Variants in SLFNL1 observed in about 807,000 individuals in gnomAD.
SLFNL1 encodes schlafen-like protein 1.
In SLFNL1, 26 loss-of-function variants were observed where a neutral mutation model predicts 32.5. That is an observed-to-expected ratio of 0.80 (90% CI 0.59 to 1.11). The LOEUF (loss-of-function observed/expected upper bound fraction) is 1.11, where lower values mean the gene tolerates loss of function less well. Ranked by LOEUF, SLFNL1 falls within the 50% of genes least tolerant of loss-of-function variation. The probability of loss-of-function intolerance (pLI) is 0.00; values close to 1 mark genes in which losing one functional copy is unlikely to be tolerated. For missense variants in SLFNL1, 553 were observed against 546.5 expected, an observed-to-expected ratio of 1.01 and a Z score of -0.12; for synonymous variants, 255 against 242.2, an observed-to-expected ratio of 1.05 and a Z score of -0.49.
In SLFNL1 at chr1:41,017,061, A is replaced by G. The variant is rs990072957; in HGVS notation, c.1101+173T>C. On this transcript the variant is annotated intron_variant, in intron 5 of 5. Transcript: ENST00000302946. The surrounding 1 kb of genome is among the most constrained non-coding windows in gnomAD (Gnocchi z 4.9). ...TTGGGCCTCTTCCTTCCCACCAGCC[A>G]CCTACCCGCGGAGTATGGGATGTGG... 17 of 750,232 alleles carry G rather than the reference A, an allele frequency of 2.3e-5. No individual in the cohort carries two copies. Among genetic ancestry groups the G allele is most frequent in the Non-Finnish European group, 1.8e-5 (9 of 500,510 alleles). The allele number at this position is 750,232 out of a possible 1,614,324, so 46.5% of individuals were successfully genotyped here.
Position 41,017,242 on chromosome 1 carries a change from A to G in SLFNL1, c.1093T>C (p.Cys365Arg), listed in dbSNP as rs1404628180. 3 of 1,578,422 alleles carry G rather than the reference A, an allele frequency of 1.9e-6. No homozygotes were observed. Among genetic ancestry groups the G allele is most frequent in the Non-Finnish European group, 2.6e-6 (3 of 1,164,516 alleles). Residue 365 changes from cysteine to arginine, a missense_variant, in exon 5 of 6, where the codon TGC (cysteine) becomes CGC (arginine). Coordinates refer to ENST00000302946, the MANE Select transcript of SLFNL1 (RefSeq NM_144990.4). This position sits in a 1 kb window ranked among gnomAD's most constrained non-coding sequence, Gnocchi z 4.9. ...GGCCTCAGCTTCCGTACCTGCCTGC[A>G]CCACTCCTGGATGGCGCTGGCAGAC... Reference protein sequence around the residue: ...PLSASAIQEWCRQRWLVELGK... With the variant: ...PLSASAIQEWRRQRWLVELGK...
At chr1:41,016,646 A>AGT (rs1251459800) in intron 5 of SLFNL1, 1 of 167,384 alleles carries the variant, frequency 6.0e-6, no homozygotes, top group East Asian at 1.8e-4. Flanking sequence ...CTCAAGATCG[A>AGT]GTGTGTTAAC....
At chr1:41,020,897 G>T in intron 1 of SLFNL1, 27 bp from the exon 2 acceptor site, 1 of 543,482 alleles carries the variant, frequency 1.8e-6, no homozygotes, top group Non-Finnish European at 3.3e-6. Context: ...GAGTCACGTG[G>T]ACTGAGCAAG....
At chr1:41,016,265 C>T (rs778800255) in intron 5 of SLFNL1, 37 bp from the exon 6 acceptor site, 2 of 1,610,150 alleles carry the variant, frequency 1.2e-6, no homozygotes, top group East Asian at 2.2e-5. Flanking sequence ...GCCAAGCCCG[C>T]CTGGTCTCGG....
In SLFNL1 at chr1:41,016,096, C is replaced by A. The variant is rs771103533; in HGVS notation, c.*10G>T. ...GAGTGCCGTGCCGTCCTGCCTGCTC[C>A]CCAGGGCCCTCACAGGACACAGCAG... is the stretch of plus-strand genomic sequence containing the variant. On this transcript the variant is annotated 3_prime_UTR_variant, in exon 6 of 6. Coordinates refer to ENST00000302946, the MANE Select transcript of SLFNL1 (RefSeq NM_144990.4). The A allele has an allele frequency of 1.2e-6, 2 of 1,612,092 alleles. No homozygotes were observed. Among genetic ancestry groups the A allele is most frequent in the Admixed American group, 1.7e-5 (1 of 59,764 alleles).
Position 41,017,482 on chromosome 1 carries a change from A to G in SLFNL1, c.958-105T>C. 1 of 1,514,996 alleles carries G rather than the reference A, an allele frequency of 6.6e-7. No homozygotes were observed. The highest frequency in any genetic ancestry group is 1.3e-5 in the South Asian group (1 of 77,360). 93.8% of individuals were successfully genotyped at this position (1,514,996 alleles called of 1,614,324 possible). A position where few individuals can be genotyped will look rare whatever the true frequency, so the allele number is the denominator to read the frequency against. ...GCTCACTGATTCCTTAGGGCAGGCC[A>G]GCAGGGCTGGCACAGGGGCCATCCC... On this transcript the variant is annotated intron_variant, in intron 4 of 5. Transcript: ENST00000302946. The surrounding 1 kb of genome is among the most constrained non-coding windows in gnomAD (Gnocchi z 4.9).
chr1:41,017,866 G>A lies in SLFNL1; in HGVS notation c.726C>T (p.His242=), dbSNP rs745713064. ...GEYLSLAFKH[H]VRRYVCAFLN... is the part of the protein sequence containing the mutation. ...GGAAGGCGCACACGTAGCGCCGCAC[G>A]TGGTGCTTGAAGGCCAGGCTGAGGT... Residue 242 remains histidine, a synonymous_variant, in exon 4 of 6, where the codon CAC becomes CAT. Transcript: ENST00000302946. The surrounding 1 kb of genome is among the most constrained non-coding windows in gnomAD (Gnocchi z 4.9). The A allele has an allele frequency of 8.7e-6, 14 of 1,606,738 alleles. No individual in the cohort carries two copies. The highest frequency in any genetic ancestry group is 1.2e-5 in the Non-Finnish European group (14 of 1,174,850).
Position 41,020,225 on chromosome 1 carries a change from C to A in SLFNL1, c.435+1G>T, listed in dbSNP as rs752460714. The A allele has an allele frequency of 8.9e-6, 14 of 1,580,702 alleles. No homozygotes were observed. Among genetic ancestry groups the A allele is most frequent in the African/African-American group, 1.4e-5 (1 of 74,024 alleles). ...GCTTGCTTGGGAAAAGTCCCACTTA[C>A]CTCTCTGTGGCTGAAGGGCCCTTGG... On this transcript the variant is annotated splice_donor_variant, in intron 3 of 5. Transcript: ENST00000302946. LOFTEE classifies it high-confidence loss of function.
chr1:41,016,696 G>A (rs1643356679), intron 5 of SLFNL1: 1 of 160,336 alleles, frequency 6.2e-6, no homozygotes, highest in South Asian at 1.8e-4. Flanking sequence ...CACCCCTGAA[G>A]GGAGGATACT....
intron 3 of SLFNL1, among the ~76,000 whole-genome samples, chr1:41,019,781 C>G (rs1442596535): frequency 1.3e-5 from 2 of 152,230 alleles, no homozygotes; most frequent in Non-Finnish European, 2.9e-5. Context: ...CGGTGGGTGG[C>G]TGTCCAGCTC....
chr1:41,018,225 C>G (rs1424183412), intron 3 of SLFNL1, 69 bp from the exon 4 acceptor site: 2 of 1,403,112 alleles, frequency 1.4e-6, no homozygotes, highest in African/African-American at 2.9e-5. Flanking sequence ...CTGAGAAGGA[C>G]TGCAAGAACC....
At position 41,015,905 on chromosome 1, in the gene SLFNL1, TGA is replaced by T; in HGVS notation, c.*199_*200del. The T allele has an allele frequency of 1.6e-6, 1 of 622,800 alleles. No individual in the cohort carries two copies. The highest frequency in any genetic ancestry group is 2.7e-6 in the Non-Finnish European group (1 of 368,110). The allele number at this position is 622,800 out of a possible 1,614,324, so 38.6% of individuals were successfully genotyped here. A position where few individuals can be genotyped will look rare whatever the true frequency, so the allele number is the denominator to read the frequency against. On this transcript the variant is annotated 3_prime_UTR_variant, in exon 6 of 6. Transcript: ENST00000302946. ...AAGTAAGGTCATTTGGGGACAGGGC[TGA>T]GAGCAGTTTCTTGGCTACACAGATG...
rs1643487826 is a variant in SLFNL1 at position 41,017,926 on chromosome 1, G to A, written c.666C>T (p.Thr222=). 6.2e-7 allele frequency: 1 copy of A among 1,612,514 alleles called. No individual in the cohort carries two copies. Among genetic ancestry groups the A allele is most frequent in the South Asian group, 1.1e-5 (1 of 91,062 alleles). The part of the protein sequence containing the change: ...LFQGAFLGSE[T]RNMEFKRGSG... ...TACCCCGCTTGAACTCCATATTGCG[G>A]GTCTCGCTGCCCAGGAAGGCACCCT... Residue 222 remains threonine (T), a synonymous_variant, in exon 4 of 6, where the codon ACC becomes ACT. Coordinates refer to ENST00000302946, the MANE Select transcript of SLFNL1 (RefSeq NM_144990.4). This position sits in a 1 kb window ranked among gnomAD's most constrained non-coding sequence, Gnocchi z 4.9.
Position 41,016,011 on chromosome 1 carries a change from C to T in SLFNL1, c.*95G>A, listed in dbSNP as rs41308246. 6.8e-3 allele frequency: 10,171 copies of T among 1,489,576 alleles called. 53 individuals are homozygous for T. Among genetic ancestry groups the T allele is most frequent in the Non-Finnish European group, 7.5e-3 (8,353 of 1,112,242 alleles). The allele number at this position is 1,489,576 out of a possible 1,614,324, so 92.3% of individuals were successfully genotyped here. A position where few individuals can be genotyped will look rare whatever the true frequency, so the allele number is the denominator to read the frequency against. On this transcript the variant is annotated 3_prime_UTR_variant, in exon 6 of 6. Coordinates refer to ENST00000302946, the MANE Select transcript of SLFNL1 (RefSeq NM_144990.4). ...AGTCCCTGTCCGCCTCTCAGCAGCC[C>T]GCATGGGCTTTACTGGTTGGCCTTA...
At chr1:41,020,194 T>A in intron 3 of SLFNL1, 32 bp downstream of exon 3, 1 of 1,554,628 alleles carries the variant, frequency 6.4e-7, no homozygotes. Flanking sequence ...GGGGTGAGGC[T>A]TTGGAGCTTG....
In SLFNL1 at chr1:41,018,809, C is replaced by A. The variant is rs564893197; in HGVS notation, c.436-653G>T. 3.5e-5 allele frequency among the ~76,000 whole-genome samples: 5 copies of A among 144,564 alleles called. No individual in the cohort carries two copies. The South Asian group carries it at 1.1e-3, about 32-fold the overall frequency. 94.8% of individuals were successfully genotyped at this position (144,564 alleles called of 152,430 possible). A position where few individuals can be genotyped will look rare whatever the true frequency, so the allele number is the denominator to read the frequency against. The stretch of plus-strand genomic sequence containing the variant: ...TGACCTCCCTGCTTCCAGGCTCACC[C>A]TTTCATGTCAACCCTCCTGTTTTTT... On this transcript the variant is annotated intron_variant, in intron 3 of 5. Coordinates refer to ENST00000302946, the MANE Select transcript of SLFNL1 (RefSeq NM_144990.4).
In SLFNL1 at chr1:41,020,517, A is replaced by T. The variant is rs972049839; in HGVS notation, c.144T>A (p.Thr48=). 4 of 1,613,358 alleles carry T rather than the reference A, an allele frequency of 2.5e-6. No homozygotes were observed. The highest frequency in any genetic ancestry group is 3.4e-6 in the Non-Finnish European group (4 of 1,179,992). ...SDLEEAPSAH[T]LYVGHLNPQF... is the part of the protein sequence containing the mutation. ...GGGGGTTCAGATGGCCCACATAGAGAGTGTGCGCCGAGGGAGCCTCCTCGA... is the reference window on the plus strand; with the variant it reads ...GGGGGTTCAGATGGCCCACATAGAGTGTGTGCGCCGAGGGAGCCTCCTCGA... The change falls in exon 3 of 6, where the codon ACT becomes ACA. Residue 48 remains threonine, a synonymous_variant. Coordinates refer to ENST00000302946, the MANE Select transcript of SLFNL1 (RefSeq NM_144990.4).
chr1:41,021,515 C>G (rs1040619422), intron 1 of SLFNL1, 108 bp downstream of exon 1: 6 of 152,550 alleles, frequency 3.9e-5, no homozygotes, highest in African/African-American at 1.4e-4. Context: ...AGCCCCTCTA[C>G]TGCTCCCCAC....
rs141843089 is a variant in SLFNL1 at position 41,020,431 on chromosome 1, G to A, written c.230C>T (p.Pro77Leu). ...CACTTCAATGTGCTCCCGCGCCACCGGCATCTCCAGCCGCTCCAGGGTGTC... is the reference window on the plus strand; with the variant it reads ...CACTTCAATGTGCTCCCGCGCCACCAGCATCTCCAGCCGCTCCAGGGTGTC... ...LRDTLERLEM[P>L]VAREHIEVVR... Residue 77 changes from proline (P) to leucine (L), a missense_variant, in exon 3 of 6, where the codon CCG (proline) becomes CTG (leucine). Pro to Leu is a moderately conservative substitution (Grantham distance 98, BLOSUM62 -3). Transcript: ENST00000302946. 2.2e-5 allele frequency: 36 copies of A among 1,613,066 alleles called. No homozygotes were observed. Among genetic ancestry groups the A allele is most frequent in the Non-Finnish European group, 2.5e-5 (30 of 1,180,028 alleles).
Sources: allele counts gnomAD v4.1 joint callset (sites outside exome capture counted in the v4.1 genomes callset), GRCh38; gene constraint gnomAD v4.1.1; non-coding constraint Gnocchi (gnomAD v3.1); transcripts MANE v1.5; gene names NCBI Gene and HGNC (gene_info 2026-07-23, HGNC 2026-07-21).